KPNA3: variants seen among roughly 807,000 people sequenced by gnomAD.
KPNA3 encodes karyopherin subunit alpha 3, also known as importin subunit alpha-4.
A neutral mutation model predicts 73.8 loss-of-function variants in KPNA3; 13 were observed. The observed-to-expected ratio is 0.18, with a 90% CI of 0.11 to 0.28. The LOEUF is 0.28. KPNA3 is among the 10% of genes least tolerant of loss of function. The pLI, the probability that KPNA3 is intolerant of heterozygous loss-of-function variation, is 1.00. For missense variants in KPNA3, 360 were observed against 618.1 expected, an observed-to-expected ratio of 0.58 and a Z score of 4.43; for synonymous variants, 186 against 206.9, an observed-to-expected ratio of 0.90 and a Z score of 0.87.
rs1795127642 is a variant in KPNA3, at chr13:49,701,381, GC to G, written c.*418del. The G allele has an allele frequency of 1.0e-5, 4 of 393,132 alleles. No homozygotes were observed. The highest frequency in any genetic ancestry group is 2.1e-5 in the Non-Finnish European group (4 of 187,458). The allele number at this position is 393,132 out of a possible 1,614,324, so 24.4% of individuals were successfully genotyped here. ...CAATGATGGAGGCTCAGATCACACT[GC>G]ACCTCTTTAGTCTTCCAACTTGTAT... On this transcript the variant is annotated 3_prime_UTR_variant, in exon 17 of 17. Transcript: ENST00000261667.
intron 2 of KPNA3, among the ~76,000 whole-genome samples, chr13:49,745,260 A>G (rs1954606347): frequency 6.6e-6 from 1 of 152,236 alleles, no homozygotes; most frequent in Non-Finnish European, 1.5e-5. Flanking sequence ...ATTCTTAAAT[A>G]ATAAATGCAC....
At chr13:49,737,944 T>C (rs550241483) in intron 2 of KPNA3, among the ~76,000 whole-genome samples, 2 of 152,348 alleles carry the variant, frequency 1.3e-5, no homozygotes, top group African/African-American at 4.8e-5. Context: ...TTATCAATTG[T>C]TTCTTTTATG....
chr13:49,760,283 T>C (rs1445663753), intron 1 of KPNA3, among the ~76,000 whole-genome samples: 1 of 151,844 alleles, frequency 6.6e-6, no homozygotes, highest in Non-Finnish European at 1.5e-5. Context: ...GGAATGGTGG[T>C]ACATGCCTGT....
At chr13:49,721,847 C>T (rs550898650) in intron 9 of KPNA3, 108 bp downstream of exon 9, 3 of 720,428 alleles carry the variant, frequency 4.2e-6, no homozygotes, top group Admixed American at 3.1e-5. Flanking sequence ...AAAAAACTCA[C>T]ACCTGCAATG....
chr13:49,708,607 A>C (rs1172421331), intron 12 of KPNA3, among the ~76,000 whole-genome samples: 1 of 152,228 alleles, frequency 6.6e-6, no homozygotes, highest in African/African-American at 2.4e-5. Context: ...CGTAATAGTG[A>C]AAAGGTGGAA....
intron 1 of KPNA3, among the ~76,000 whole-genome samples, chr13:49,758,013 T>A (rs1261637572): frequency 6.6e-6 from 1 of 152,038 alleles, no homozygotes; most frequent in African/African-American, 2.4e-5. Context: ...TTAATAAAAA[T>A]TTTAAAGGAT....
chr13:49,725,316 A>G (rs1465523985), intron 7 of KPNA3, 100 bp downstream of exon 7: 1 of 548,464 alleles, frequency 1.8e-6, no homozygotes, highest in African/African-American at 1.9e-5. Context: ...AAAAGTCATC[A>G]TTTAAAAAAT....
intron 14 of KPNA3, 67 bp from the exon 15 acceptor site, chr13:49,705,850 C>T: frequency 7.3e-7 from 1 of 1,367,728 alleles, no homozygotes; most frequent in Non-Finnish European, 9.8e-7. Context: ...GGGTGTCGTG[C>T]TACATGGAAG....
chr13:49,713,844 C>T (rs1327901484), intron 10 of KPNA3, among the ~76,000 whole-genome samples: 1 of 152,152 alleles, frequency 6.6e-6, no homozygotes, highest in Non-Finnish European at 1.5e-5. Flanking sequence ...GCTGGGATTA[C>T]AGGCGCGTGC....
At chr13:49,710,642 C>T (rs1387588291) in intron 11 of KPNA3, among the ~76,000 whole-genome samples, 2 of 152,074 alleles carry the variant, frequency 1.3e-5, no homozygotes, top group African/African-American at 2.4e-5. Flanking sequence ...TAGTTAACCA[C>T]GGAAAGCTTG....
At chr13:49,785,091 G>A (rs1189118575) in intron 1 of KPNA3, among the ~76,000 whole-genome samples, 1 of 152,024 alleles carries the variant, frequency 6.6e-6, no homozygotes, top group East Asian at 1.9e-4. Flanking sequence ...GGGCAGGCGG[G>A]ATTCCAGATT....
intron 7 of KPNA3, among the ~76,000 whole-genome samples, chr13:49,722,963 T>C (rs1052150712): frequency 3.3e-5 from 5 of 152,008 alleles, no homozygotes; most frequent in African/African-American, 9.7e-5. Flanking sequence ...ATCAGGTCTA[T>C]CTTATACTTT....
chr13:49,756,785 G>A (rs967862534), intron 1 of KPNA3, among the ~76,000 whole-genome samples: 4 of 152,236 alleles, frequency 2.6e-5, no homozygotes, highest in Middle Eastern at 3.4e-3. Context: ...GAAGTGGAAG[G>A]AATCAATCTA....
At chr13:49,708,408 CT>C (rs1000770897) in intron 12 of KPNA3, among the ~76,000 whole-genome samples, 1 of 152,094 alleles carries the variant, frequency 6.6e-6, no homozygotes, top group Non-Finnish European at 1.5e-5. Flanking sequence ...AATTAGAATT[CT>C]AGTAACACTG....
At chr13:49,726,472 C>A (rs114160595) in intron 6 of KPNA3, among the ~76,000 whole-genome samples, 1 of 151,960 alleles carries the variant, frequency 6.6e-6, no homozygotes, top group Non-Finnish European at 1.5e-5. Context: ...AGAGCTGAAA[C>A]TAACTAAGAA....
At chr13:49,725,556 T>C (rs1379958184) in intron 6 of KPNA3, 55 bp from the exon 7 acceptor site, 17 of 1,125,402 alleles carry the variant, frequency 1.5e-5, no homozygotes, top group Non-Finnish European at 1.9e-5. Flanking sequence ...CTTAAATTAA[T>C]GAATCTTAAG....
At chr13:49,741,685 A>T (rs975714851) in intron 2 of KPNA3, among the ~76,000 whole-genome samples, 23 of 152,078 alleles carry the variant, frequency 1.5e-4, no homozygotes, top group Non-Finnish European at 2.9e-4. Flanking sequence ...TGATTTCCTG[A>T]CCTTGTGATC....
chr13:49,725,398 A>T lies in KPNA3; in HGVS notation c.469+18T>A, dbSNP rs779578097. ...TCATTAAAACACAAAAAGTTCAGAC[A>T]GTAAGGAATTTACTTACTAGACTGC... On this transcript the variant is annotated intron_variant, in intron 7 of 16. Transcript: ENST00000261667. The T allele has an allele frequency of 2.0e-6, 3 of 1,507,428 alleles. No individual in the cohort carries two copies. In the South Asian group the frequency reaches 3.7e-5, roughly 18 times the overall value. The allele number at this position is 1,507,428 out of a possible 1,614,324, so 93.4% of individuals were successfully genotyped here.
chr13:49,781,176 C>CA (rs1271425401), intron 1 of KPNA3, among the ~76,000 whole-genome samples: 1 of 152,206 alleles, frequency 6.6e-6, no homozygotes, highest in Non-Finnish European at 1.5e-5. Flanking sequence ...CAGGCCAACT[C>CA]AGGTGATTCT....
Sources: allele counts gnomAD v4.1 joint callset (sites outside exome capture counted in the v4.1 genomes callset), GRCh38; gene constraint gnomAD v4.1.1; transcripts MANE v1.5; gene names NCBI Gene and HGNC (gene_info 2026-07-23, HGNC 2026-07-21).